Variants in BRAF observed in about 807,000 individuals in gnomAD.
BRAF encodes B-Raf proto-oncogene, serine/threonine kinase, also known as serine/threonine-protein kinase B-raf.
A neutral mutation model predicts 104.6 loss-of-function variants in BRAF; 16 were observed. The ratio of observed to expected loss-of-function variants is 0.15; its 90% CI spans 0.10 to 0.23. The LOEUF (loss-of-function observed/expected upper bound fraction) is 0.23, where lower values mean the gene tolerates loss of function less well. BRAF is among the 10% of genes least tolerant of loss of function. BRAF has a pLI of 1.00. For missense variants in BRAF, 541 were observed against 937.3 expected (o/e 0.58, Z 5.52); for synonymous variants, 310 against 341.6 (o/e 0.91, Z 1.02).
intron 2 of BRAF, among the ~76,000 whole-genome samples, chr7:140,844,595 G>A (rs1808346883): frequency 6.6e-6 from 1 of 152,262 alleles, no homozygotes; most frequent in Admixed American, 6.5e-5. Context: ...TCAAAATCCT[G>A]ATGACCTACT....
intron 13 of BRAF, 24 bp downstream of exon 12, chr7:140,777,967 A>G: frequency 6.2e-7 from 1 of 1,609,188 alleles, no homozygotes; most frequent in Non-Finnish European, 8.5e-7. Flanking sequence ...TTTCTCTGGA[A>G]AAGAGTAATT....
At chr7:140,869,115 A>G (rs1323515332) in intron 1 of BRAF, among the ~76,000 whole-genome samples, 1 of 152,228 alleles carries the variant, frequency 6.6e-6, no homozygotes, top group East Asian at 1.9e-4. Context: ...ATTAAAAATT[A>G]TATTTAAAAT....
rs1460468636 is a variant in BRAF at position 140,724,465 on chromosome 7, T to C, written c.*2029A>G. 1.9e-6 allele frequency: 2 copies of C among 1,053,916 alleles called. No individual in the cohort carries two copies. The highest frequency in any genetic ancestry group is 3.3e-5 in the African/African-American group (2 of 60,386). The allele number at this position is 1,053,916 out of a possible 1,614,324, so 65.3% of individuals were successfully genotyped here. On this transcript the variant is annotated 3_prime_UTR_variant, in exon 20 of 20. Coordinates refer to ENST00000644969, the MANE Select transcript of BRAF (RefSeq NM_001374258.1). Reference sequence around the variant, plus strand: ...AAATCAGCGTGAATTATTTCCACCTTTGCAATTTCTGAATTTTGTAAGACA... The same window carrying C: ...AAATCAGCGTGAATTATTTCCACCTCTGCAATTTCTGAATTTTGTAAGACA...
In BRAF at chr7:140,721,414, A is replaced by C. The variant is rs1795318830; in HGVS notation, c.*5080T>G. 1.6e-6 allele frequency: 2 copies of C among 1,252,364 alleles called. No homozygotes were observed. The highest frequency in any genetic ancestry group is 2.0e-6 in the Non-Finnish European group (2 of 999,822). 77.6% of individuals were successfully genotyped at this position (1,252,364 alleles called of 1,614,324 possible). The stretch of plus-strand genomic sequence containing the variant: ...TAATTACCCTTTCCACAATTAACAA[A>C]AATTAGAATTGAATTTCAATTTAAA... On this transcript the variant is annotated 3_prime_UTR_variant, in exon 20 of 20. Transcript: ENST00000644969.
Position 140,799,141 on chromosome 7 carries a change from C to T in BRAF, c.980+1221G>A, listed in dbSNP as rs542392709. 1.2e-3 allele frequency: 242 copies of T among 200,710 alleles called. No individual in the cohort carries two copies. Among genetic ancestry groups the T allele is most frequent in the Non-Finnish European group, 2.1e-3 (205 of 97,188 alleles). The allele number at this position is 200,710 out of a possible 1,614,324, so 12.4% of individuals were successfully genotyped here. A position where few individuals can be genotyped will look rare whatever the true frequency, so the allele number is the denominator to read the frequency against. On this transcript the variant is annotated intron_variant, in intron 7 of 19. Coordinates refer to ENST00000644969, the MANE Select transcript of BRAF (RefSeq NM_001374258.1). Reference sequence around the variant, plus strand: ...TGCTGGGATTACATGCGTGAACCACCGCACCCGGCTGCCTTTGCATTATTT... The same window carrying T: ...TGCTGGGATTACATGCGTGAACCACTGCACCCGGCTGCCTTTGCATTATTT...
At chr7:140,728,550 A>T (rs57725920) in intron 19 of BRAF, among the ~76,000 whole-genome samples, 8,611 of 141,792 alleles carry the variant, frequency 0.061, 285 homozygotes, top group South Asian at 0.12. Context: ...GCACTGATTT[A>T]AAAAAAAAAA....
At chr7:140,758,309 G>A (rs376645305) in intron 14 of BRAF, 17 of 152,226 alleles carry the variant, frequency 1.1e-4, no homozygotes, top group East Asian at 3.9e-4. Flanking sequence ...TAAGATTAAC[G>A]AGAATGGCAT....
At chr7:140,836,027 G>C (rs1807297640) in intron 2 of BRAF, 1 of 152,164 alleles carries the variant, frequency 6.6e-6, no homozygotes, top group African/African-American at 2.4e-5. Context: ...GGACAGCCTT[G>C]AAAGGTTGGC....
At chr7:140,756,982 C>A (rs1412604955) in intron 14 of BRAF, among the ~76,000 whole-genome samples, 1 of 152,140 alleles carries the variant, frequency 6.6e-6, no homozygotes, top group Non-Finnish European at 1.5e-5. Flanking sequence ...TACTTCAGAT[C>A]GGATCTAACC....
chr7:140,721,192 A>G lies in BRAF; in HGVS notation c.*5302T>C. On this transcript the variant is annotated 3_prime_UTR_variant, in exon 20 of 20. Coordinates refer to ENST00000644969, the MANE Select transcript of BRAF (RefSeq NM_001374258.1). ...TAGCTAAATAAATGTCAACATTTTA[A>G]TAAAGCTGATTTAGTAATTAATAAA... 3 of 1,072,018 alleles carry G rather than the reference A, an allele frequency of 2.8e-6. No homozygotes were observed. Among genetic ancestry groups the G allele is most frequent in the Non-Finnish European group, 3.4e-6 (3 of 883,402 alleles). The allele number at this position is 1,072,018 out of a possible 1,614,324, so 66.4% of individuals were successfully genotyped here.
At chr7:140,804,715 A>G (rs1803480125) in intron 5 of BRAF, among the ~76,000 whole-genome samples, 1 of 152,172 alleles carries the variant, frequency 6.6e-6, no homozygotes, top group African/African-American at 2.4e-5. Context: ...ACTATATACA[A>G]CATGAATTAG....
chr7:140,825,144 AT>A (rs1185273098), intron 3 of BRAF, among the ~76,000 whole-genome samples: 1 of 151,300 alleles, frequency 6.6e-6, no homozygotes, highest in Non-Finnish European at 1.5e-5. Context: ...TAATTTTTGC[AT>A]TTTTAGTAAA....
chr7:140,762,107 C>T (rs1268184463), intron 14 of BRAF, among the ~76,000 whole-genome samples: 1 of 152,164 alleles, frequency 6.6e-6, no homozygotes, highest in Non-Finnish European at 1.5e-5. Flanking sequence ...CACCACACCA[C>T]ACCTATTCCA....
At position 140,811,519 on chromosome 7, in the gene BRAF, A is replaced by C. The variant is rs933594294; in HGVS notation, c.505-2524T>G. On this transcript the variant is annotated intron_variant, in intron 3 of 19. Coordinates refer to ENST00000644969, the MANE Select transcript of BRAF (RefSeq NM_001374258.1). ...CCAGCAGGGAGTCTATGTATCAAAG[A>C]GCTCCAAAGGGCAACAGCAGCTTGG... 9.8e-5 allele frequency among the ~76,000 whole-genome samples: 15 copies of C among 152,298 alleles called. 1 individual carries two copies. Among genetic ancestry groups the C allele is most frequent in the Admixed American group, 9.2e-4 (14 of 15,298 alleles).
In BRAF at chr7:140,924,834, C is replaced by T. The variant is rs1421073306; in HGVS notation, c.-131G>A. On this transcript the variant is annotated 5_prime_UTR_variant, in exon 1 of 20. Transcript: ENST00000644969. The surrounding 1 kb of genome is among the most constrained non-coding windows in gnomAD (Gnocchi z 4.2). ...GGGGCGCGGGGGGCGCGGGGAGGAGCGGCCCGGGCGGCGCCGCGGGCGGAG... is the reference window on the plus strand; with the variant it reads ...GGGGCGCGGGGGGCGCGGGGAGGAGTGGCCCGGGCGGCGCCGCGGGCGGAG... 8 of 324,630 alleles carry T rather than the reference C, an allele frequency of 2.5e-5. No homozygotes were observed. Among genetic ancestry groups the T allele is most frequent in the Middle Eastern group, 8.5e-4 (1 of 1,182 alleles). 20.1% of individuals were successfully genotyped at this position (324,630 alleles called of 1,614,324 possible). A position where few individuals can be genotyped will look rare whatever the true frequency, so the allele number is the denominator to read the frequency against.
chr7:140,740,045 C>CTTA (rs1176957128), intron 17 of BRAF, 99 bp from the exon 17 acceptor site: 1 of 1,316,684 alleles, frequency 7.6e-7, no homozygotes, highest in African/African-American at 1.5e-5. Context: ...ACATTTACAG[C>CTTA]TTACGATGTA....
rs1795278719 is a variant in BRAF at position 140,720,701 on chromosome 7, G to A, written c.*5793C>T. The A allele has an allele frequency of 1.9e-6, 2 of 1,065,528 alleles. No homozygotes were observed. The highest frequency in any genetic ancestry group is 4.6e-5 in the South Asian group (1 of 21,966). The allele number at this position is 1,065,528 out of a possible 1,614,324, so 66.0% of individuals were successfully genotyped here. A position where few individuals can be genotyped will look rare whatever the true frequency, so the allele number is the denominator to read the frequency against. The stretch of plus-strand genomic sequence containing the variant: ...TTTGGTCTCTGTTCTCTACATCTGT[G>A]CCTACTCTGTGAGCTTTGTTGTTTA... On this transcript the variant is annotated 3_prime_UTR_variant, in exon 20 of 20. Transcript: ENST00000644969.
At position 140,800,430 on chromosome 7, in the gene BRAF, C is replaced by T; in HGVS notation, c.912G>A (p.Glu304=). 3 of 1,614,158 alleles carry T rather than the reference C, an allele frequency of 1.9e-6. No individual in the cohort carries two copies. The highest frequency in any genetic ancestry group is 2.5e-6 in the Non-Finnish European group (3 of 1,180,026). Residue 304 remains glutamate (E), a synonymous_variant, in exon 7 of 20, where the codon GAG becomes GAA. Coordinates refer to ENST00000644969, the MANE Select transcript of BRAF (RefSeq NM_001374258.1). ...TTAGGGCAGTCTCTGCTAAGGACGC[C>T]TCTTCCTGTGGTATTGGGTGGTGTT... ...FFEHHPIPQE[E]ASLAETALTS...
chr7:140,831,261 G>A (rs1210886229), intron 3 of BRAF, among the ~76,000 whole-genome samples: 2 of 152,218 alleles, frequency 1.3e-5, no homozygotes, highest in Non-Finnish European at 2.9e-5. Flanking sequence ...TGACAGTATA[G>A]TAGGGGAAAG....
Sources: gnomAD v4.1 joint callset for allele counts (sites outside exome capture counted in the v4.1 genomes callset) on GRCh38, gnomAD v4.1.1 for gene constraint, Gnocchi (gnomAD v3.1) non-coding constraint, MANE v1.5 for transcripts, NCBI Gene and HGNC (gene_info 2026-07-23, HGNC 2026-07-21) for gene names.